CAMTA1: variants seen among roughly 807,000 people sequenced by gnomAD.
CAMTA1 encodes calmodulin-binding transcription activator 1.
In CAMTA1, 27 loss-of-function variants were observed where a neutral mutation model predicts 170.9. That is an observed-to-expected ratio of 0.16 (90% confidence interval 0.12 to 0.22). CAMTA1 has a LOEUF of 0.22. Among genes scored for constraint, CAMTA1 ranks in the 10% least tolerant of loss-of-function variants. The pLI is 1.00. For missense variants in CAMTA1, 1,619 were observed against 2,217.2 expected, an observed-to-expected ratio of 0.73 and a Z score of 5.42; for synonymous variants, 833 against 891.5, an observed-to-expected ratio of 0.93 and a Z score of 1.17.
chr1:7,298,340 C>G (rs1255179515), intron 5 of CAMTA1, among the ~76,000 whole-genome samples: 1 of 149,040 alleles, frequency 6.7e-6, no homozygotes, highest in Non-Finnish European at 1.5e-5. Context: ...CCCCGCAGGT[C>G]TTTTCCTCTC....
intron 5 of CAMTA1, among the ~76,000 whole-genome samples, chr1:7,421,054 C>T (rs1198554838): frequency 6.6e-6 from 1 of 152,232 alleles, no homozygotes; most frequent in East Asian, 1.9e-4. Flanking sequence ...TGTGTCCTGG[C>T]TGTCTTCTGG....
At position 7,244,297 on chromosome 1, in the gene CAMTA1, T is replaced by G. The variant is rs554188513; in HGVS notation, c.303-5194T>G. 2.7e-3 allele frequency among the ~76,000 whole-genome samples: 412 copies of G among 152,360 alleles called. 2 individuals carry two copies. Among genetic ancestry groups the G allele is most frequent in the Admixed American group, 4.8e-3 (73 of 15,306 alleles). On this transcript the variant is annotated intron_variant, in intron 4 of 22. Coordinates refer to ENST00000303635, the MANE Select transcript of CAMTA1 (RefSeq NM_015215.4). The stretch of plus-strand genomic sequence containing the variant: ...AACACTTTTACACTGTTAGTGGGAC[T>G]GTAAACTAGTTCAACCATTGCGGAA...
intron 3 of CAMTA1, among the ~76,000 whole-genome samples, chr1:6,999,372 G>GCCT (rs1697835823): frequency 6.6e-6 from 1 of 152,104 alleles, no homozygotes; most frequent in Admixed American, 6.5e-5. Context: ...TTCTGGAGAG[G>GCCT]CCTCGGGGAG....
chr1:7,003,491 G>A (rs568517329), intron 3 of CAMTA1, among the ~76,000 whole-genome samples: 9 of 152,312 alleles, frequency 5.9e-5, no homozygotes, highest in Non-Finnish European at 1.0e-4. Flanking sequence ...GATGGTCCAC[G>A]TGAGAACACG....
chr1:6,928,538 C>T (rs887251832), intron 3 of CAMTA1, among the ~76,000 whole-genome samples: 2 of 152,154 alleles, frequency 1.3e-5, no homozygotes, highest in Non-Finnish European at 1.5e-5. Flanking sequence ...CCTCCCCACC[C>T]TAACTCTCCC....
At chr1:7,729,151 C>T (rs1435808040) in intron 11 of CAMTA1, among the ~76,000 whole-genome samples, 1 of 146,042 alleles carries the variant, frequency 6.8e-6, no homozygotes, top group Non-Finnish European at 1.5e-5. Flanking sequence ...GAGTCTCACT[C>T]TGTCACCCAG....
intron 6 of CAMTA1, among the ~76,000 whole-genome samples, chr1:7,513,649 G>A (rs566343341): frequency 6.6e-5 from 10 of 152,274 alleles, no homozygotes; most frequent in South Asian, 4.1e-4. Flanking sequence ...CAGGCTGGGC[G>A]TGGTGGCTCA....
rs1442220519 is a variant in CAMTA1 at position 7,092,182 on chromosome 1, C to T, written c.302+811C>T. Among the ~76,000 whole-genome samples the T allele has an allele frequency of 2.0e-5, 3 of 152,182 alleles. No individual in the cohort carries two copies. The highest frequency in any genetic ancestry group is 2.9e-5 in the Non-Finnish European group (2 of 68,032). ...GGGGTGGTAGCTGGAGTGTGGTTTA[C>T]ACAGGATGCCTGGACTGCAGGCTTG... On this transcript the variant is annotated intron_variant, in intron 4 of 22. Coordinates refer to ENST00000303635, the MANE Select transcript of CAMTA1 (RefSeq NM_015215.4). The surrounding 1 kb of genome is among the most constrained non-coding windows in gnomAD (Gnocchi z 5.0).
intron 4 of CAMTA1, among the ~76,000 whole-genome samples, chr1:7,174,697 G>A (rs1184618461): frequency 2.0e-5 from 3 of 152,232 alleles, no homozygotes; most frequent in Non-Finnish European, 4.4e-5. Flanking sequence ...CTCCAGTCAC[G>A]AGAGGCCGTG....
intron 3 of CAMTA1, among the ~76,000 whole-genome samples, chr1:6,888,822 TTTC>T (rs1257577111): frequency 1.4e-5 from 2 of 147,662 alleles, no homozygotes; most frequent in African/African-American, 5.4e-5. Flanking sequence ...TCTTTTTTTC[TTTC>T]TTTTTTTTTT....
intron 3 of CAMTA1, among the ~76,000 whole-genome samples, chr1:6,876,708 G>C (rs1670005456): frequency 6.6e-6 from 1 of 152,170 alleles, no homozygotes; most frequent in Non-Finnish European, 1.5e-5. Flanking sequence ...TTTCAAAGAA[G>C]TAGGTACTGC....
intron 6 of CAMTA1, among the ~76,000 whole-genome samples, chr1:7,503,833 T>C (rs1420408282): frequency 2.0e-5 from 3 of 151,948 alleles, no homozygotes; most frequent in African/African-American, 7.3e-5. Flanking sequence ...GCTGACGGAG[T>C]TCCCTGCAAG....
At chr1:7,068,966 C>G (rs547101458) in intron 3 of CAMTA1, among the ~76,000 whole-genome samples, 1 of 152,178 alleles carries the variant, frequency 6.6e-6, no homozygotes. Context: ...CTCGCTTGCT[C>G]GAGAACCCAG....
intron 3 of CAMTA1, among the ~76,000 whole-genome samples, chr1:7,015,735 G>T (rs1700436599): frequency 6.6e-6 from 1 of 152,176 alleles, no homozygotes; most frequent in Non-Finnish European, 1.5e-5. Context: ...TCACATTTCT[G>T]CAGGCTGTAC....
At chr1:7,407,355 G>A (rs1450327893) in intron 5 of CAMTA1, among the ~76,000 whole-genome samples, 3 of 152,174 alleles carry the variant, frequency 2.0e-5, no homozygotes, top group Non-Finnish European at 2.9e-5. Context: ...GCTGTCTTGG[G>A]GGACCACAGA....
At chr1:7,458,665 C>T (rs952755538) in intron 5 of CAMTA1, among the ~76,000 whole-genome samples, 4 of 152,188 alleles carry the variant, frequency 2.6e-5, no homozygotes, top group African/African-American at 9.7e-5. Context: ...GAGCTGTGGC[C>T]GGCACCTGAC....
chr1:7,050,329 C>T lies in CAMTA1; in HGVS notation c.235-40975C>T, dbSNP rs1706124853. The stretch of plus-strand genomic sequence containing the variant: ...TCTGTAGATAATAAGCTGCCTGCAC[C>T]CTGAGCTACTCCAGAGACGGCATCT... On this transcript the variant is annotated intron_variant, in intron 3 of 22. Transcript: ENST00000303635. This position sits in a 1 kb window ranked among gnomAD's most constrained non-coding sequence, Gnocchi z 4.8. Among the ~76,000 whole-genome samples the T allele has an allele frequency of 6.6e-6, 1 of 152,088 alleles. No individual in the cohort carries two copies. Among genetic ancestry groups the T allele is most frequent in the African/African-American group, 2.4e-5 (1 of 41,406 alleles).
chr1:7,690,905 G>A (rs1398402798), intron 11 of CAMTA1, among the ~76,000 whole-genome samples: 1 of 152,198 alleles, frequency 6.6e-6, no homozygotes, highest in African/African-American at 2.4e-5. Flanking sequence ...TGCCTCCCAG[G>A]GCTAGAGCCT....
chr1:7,487,401 A>G (rs2093632626), intron 6 of CAMTA1, among the ~76,000 whole-genome samples: 1 of 152,252 alleles, frequency 6.6e-6, no homozygotes, highest in Non-Finnish European at 1.5e-5. Context: ...CCCTGTCTTT[A>G]TTTAAAATGT....
Sources: gnomAD v4.1 joint callset for allele counts (sites outside exome capture counted in the v4.1 genomes callset) on GRCh38, gnomAD v4.1.1 for gene constraint, Gnocchi (gnomAD v3.1) non-coding constraint, MANE v1.5 for transcripts, NCBI Gene and HGNC (gene_info 2026-07-23, HGNC 2026-07-21) for gene names.